FBXO4: variants seen among roughly 807,000 people sequenced by gnomAD.
FBXO4 encodes F-box protein 4.
FBXO4 carries 36 observed loss-of-function variants against 43.7 expected under a neutral mutation model. That is an observed-to-expected ratio of 0.82 (90% CI 0.63 to 1.09). The LOEUF (loss-of-function observed/expected upper bound fraction) is 1.09, where lower values mean the gene tolerates loss of function less well. FBXO4 is among the 50% of genes least tolerant of loss of function. The pLI is 0.00. For synonymous variants in FBXO4, 180 were observed against 165.6 expected, an observed-to-expected ratio of 1.09 and a Z score of -0.67; for missense variants, 435 against 474.1, an observed-to-expected ratio of 0.92 and a Z score of 0.77.
At chr5:42,033,316 A>C in the FBXO4 span, among the ~76,000 whole-genome samples, 2 of 152,238 alleles carry the variant, frequency 1.3e-5, no homozygotes, top group African/African-American at 4.8e-5. Flanking sequence ...TGCAGTCTTT[A>C]TGGCCTAGAC....
the FBXO4 span, among the ~76,000 whole-genome samples, chr5:41,958,528 G>A: frequency 6.6e-6 from 1 of 152,090 alleles, no homozygotes; most frequent in African/African-American, 2.4e-5. Context: ...CCGAAATTTT[G>A]TGACCTATGA....
the FBXO4 span, among the ~76,000 whole-genome samples, chr5:41,957,636 A>G: frequency 1.3e-5 from 2 of 151,564 alleles, no homozygotes; most frequent in African/African-American, 4.8e-5. Context: ...AAAATTCCCT[A>G]TGTGTACACT....
chr5:42,029,369 C>G, the FBXO4 span, among the ~76,000 whole-genome samples: 1 of 151,982 alleles, frequency 6.6e-6, no homozygotes, highest in African/African-American at 2.4e-5. Context: ...CTTTAGGATC[C>G]TTCCTTTATC....
At chr5:41,963,219 C>G in the FBXO4 span, among the ~76,000 whole-genome samples, 18 of 151,838 alleles carry the variant, frequency 1.2e-4, no homozygotes, top group African/African-American at 4.3e-4. Context: ...TATACACACA[C>G]TACACATAAT....
chr5:41,965,329 C>A, the FBXO4 span, among the ~76,000 whole-genome samples: 1 of 152,140 alleles, frequency 6.6e-6, no homozygotes, highest in Non-Finnish European at 1.5e-5. Flanking sequence ...ATGCCTCCAG[C>A]TTTGTTCTTT....
the FBXO4 span, among the ~76,000 whole-genome samples, chr5:41,984,653 A>T: frequency 6.6e-6 from 1 of 152,196 alleles, no homozygotes; most frequent in South Asian, 2.1e-4. Flanking sequence ...TTTGGCCAGG[A>T]GTGTATGAAG....
At chr5:42,008,159 T>C in the FBXO4 span, among the ~76,000 whole-genome samples, 28 of 152,134 alleles carry the variant, frequency 1.8e-4, no homozygotes, top group African/African-American at 6.8e-4. Context: ...AGGAAATACA[T>C]TGGACACATA....
intron 2 of FBXO4, chr5:41,928,480 A>C (rs912400062): frequency 2.0e-5 from 3 of 153,046 alleles, no homozygotes; most frequent in Admixed American, 6.6e-5. Flanking sequence ...GACTAGAGGC[A>C]CCCGCCACCA....
chr5:41,961,721 C>T, the FBXO4 span, among the ~76,000 whole-genome samples: 1 of 152,164 alleles, frequency 6.6e-6, no homozygotes, highest in African/African-American at 2.4e-5. Context: ...CTCAATATGG[C>T]TTATGGGCAG....
At chr5:41,933,245 G>T (rs894445349) in intron 3 of FBXO4, among the ~76,000 whole-genome samples, 1 of 152,046 alleles carries the variant, frequency 6.6e-6, no homozygotes, top group Non-Finnish European at 1.5e-5. Flanking sequence ...TTTGAGACAA[G>T]GTCTCTGTTA....
chr5:41,934,534 T>C, intron 5 of FBXO4: 3 of 1,377,306 alleles, frequency 2.2e-6, no homozygotes, highest in Admixed American at 2.9e-5. Context: ...CCTGGTGGAT[T>C]TTATTCCTAG....
chr5:41,926,486 T>C (rs1158650971), intron 1 of FBXO4, among the ~76,000 whole-genome samples: 1 of 152,194 alleles, frequency 6.6e-6, no homozygotes, highest in East Asian at 1.9e-4. Flanking sequence ...GGCAGGAGCA[T>C]GGCGTGAACC....
At chr5:41,966,841 C>A in the FBXO4 span, among the ~76,000 whole-genome samples, 1 of 152,096 alleles carries the variant, frequency 6.6e-6, no homozygotes, top group African/African-American at 2.4e-5. Flanking sequence ...AAATTTTTAA[C>A]AGAGGTGGCT....
intron 2 of FBXO4, 134 bp downstream of exon 2, chr5:41,927,382 G>C: frequency 3.1e-6 from 2 of 637,594 alleles, no homozygotes; most frequent in Non-Finnish European, 5.3e-6. Flanking sequence ...CGTCAAAACT[G>C]GGAGTTAAAT....
At chr5:42,022,617 T>C in the FBXO4 span, among the ~76,000 whole-genome samples, 11 of 152,256 alleles carry the variant, frequency 7.2e-5, no homozygotes, top group Non-Finnish European at 1.6e-4. Flanking sequence ...CTCCTAAAGG[T>C]GTCTCTGACA....
chr5:41,930,812 G>A (rs1285361194), intron 3 of FBXO4, among the ~76,000 whole-genome samples: 3 of 151,904 alleles, frequency 2.0e-5, no homozygotes, highest in Admixed American at 1.3e-4. Context: ...CCACCACTAC[G>A]CCTGGCTAAT....
At chr5:42,021,298 A>G in the FBXO4 span, among the ~76,000 whole-genome samples, 1 of 152,124 alleles carries the variant, frequency 6.6e-6, no homozygotes, top group Non-Finnish European at 1.5e-5. Flanking sequence ...GATTCAAGAT[A>G]TATTTTGGTT....
the FBXO4 span, among the ~76,000 whole-genome samples, chr5:41,952,909 C>T: frequency 6.6e-6 from 1 of 151,210 alleles, no homozygotes; most frequent in African/African-American, 2.4e-5. Context: ...AAAGTTTTTC[C>T]TCTCATTAAT....
chr5:41,984,772 A>G, the FBXO4 span, among the ~76,000 whole-genome samples: 46 of 152,104 alleles, frequency 3.0e-4, no homozygotes, highest in African/African-American at 1.1e-3. Flanking sequence ...CGGCCTCCCA[A>G]AGTGCTGGGG....
Sources: gnomAD v4.1 joint callset for allele counts (sites outside exome capture counted in the v4.1 genomes callset) on GRCh38, gnomAD v4.1.1 for gene constraint, MANE v1.5 for transcripts, NCBI Gene and HGNC (gene_info 2026-07-23, HGNC 2026-07-21) for gene names.